Variants in PDE2A observed in about 807,000 individuals in gnomAD.
The protein encoded by PDE2A is cGMP-dependent 3',5'-cyclic phosphodiesterase.
PDE2A carries 53 observed loss-of-function variants against 133.6 expected under a neutral mutation model. The ratio of observed to expected loss-of-function variants is 0.40; its 90% CI spans 0.32 to 0.50. The LOEUF (loss-of-function observed/expected upper bound fraction) is 0.50, where lower values mean the gene tolerates loss of function less well. PDE2A is among the 20% of genes least tolerant of loss of function. PDE2A has a pLI of 0.73. For synonymous variants in PDE2A, 491 were observed against 490.2 expected, an observed-to-expected ratio of 1.00 and a Z score of -0.02; for missense variants, 796 against 1,232.4, an observed-to-expected ratio of 0.65 and a Z score of 5.30.
chr11:72,649,593 A>C (rs1854668383), intron 1 of PDE2A, among the ~76,000 whole-genome samples: 1 of 152,144 alleles, frequency 6.6e-6, no homozygotes, highest in Admixed American at 6.5e-5. Flanking sequence ...ATCACACAAA[A>C]CATGATTGTC....
intron 19 of PDE2A, 32 bp downstream of exon 19, chr11:72,584,169 A>ACCCCCCCCCCCACCCCCCCC: frequency 2.3e-6 from 2 of 877,942 alleles, no homozygotes; most frequent in Non-Finnish European, 3.5e-6. Context: ...GCCCCCTATC[A>ACCCCCCCCCCCACCCCCCCC]CCCCACACCC....
At chr11:72,668,534 C>A (rs757969841) in intron 1 of PDE2A, 3 of 695,934 alleles carry the variant, frequency 4.3e-6, no homozygotes, top group East Asian at 2.7e-5. Flanking sequence ...GGGAAGAGGT[C>A]GATGCTGCTT....
intron 2 of PDE2A, among the ~76,000 whole-genome samples, chr11:72,639,069 C>A (rs758422830): frequency 1.2e-4 from 19 of 152,228 alleles, no homozygotes; most frequent in Non-Finnish European, 2.6e-4. Flanking sequence ...CTTCTCTAAG[C>A]CTTCCAATCT....
At chr11:72,665,187 C>A (rs565556440) in intron 1 of PDE2A, among the ~76,000 whole-genome samples, 5 of 152,178 alleles carry the variant, frequency 3.3e-5, no homozygotes, top group African/African-American at 9.6e-5. Context: ...CCTTTTCTAC[C>A]CCAATTCCTG....
At chr11:72,645,803 G>A (rs1184959893) in intron 1 of PDE2A, among the ~76,000 whole-genome samples, 1 of 152,326 alleles carries the variant, frequency 6.6e-6, no homozygotes. Flanking sequence ...AGCACATACT[G>A]TGTGCCTCAC....
intron 1 of PDE2A, among the ~76,000 whole-genome samples, chr11:72,659,986 G>A (rs1200072984): frequency 6.6e-6 from 1 of 152,168 alleles, no homozygotes; most frequent in Non-Finnish European, 1.5e-5. Context: ...GCAACTTCCA[G>A]CATGTTGGAG....
chr11:72,639,571 C>T (rs886321443), intron 2 of PDE2A, among the ~76,000 whole-genome samples: 1 of 152,158 alleles, frequency 6.6e-6, no homozygotes, highest in African/African-American at 2.4e-5. Flanking sequence ...CTGCGGAGCA[C>T]GAAGTGGTGT....
chr11:72,595,514 C>A (rs552836338), intron 6 of PDE2A, among the ~76,000 whole-genome samples: 3 of 152,064 alleles, frequency 2.0e-5, no homozygotes, highest in African/African-American at 7.2e-5. Context: ...AGTACCCCTC[C>A]TCCCCTCCCC....
rs71062783 is a variant in PDE2A at position 72,644,724 on chromosome 11, A to ATTTATTTTAT, written c.72-2408_72-2399dup. Among the ~76,000 whole-genome samples, 1,113 of 148,714 alleles carry ATTTATTTTAT rather than the reference A, an allele frequency of 7.5e-3. 7 individuals are homozygous for ATTTATTTTAT. The highest frequency in any genetic ancestry group is 0.017 in the South Asian group (79 of 4,682). On this transcript the variant is annotated intron_variant, in intron 1 of 30. Coordinates refer to ENST00000334456, the MANE Select transcript of PDE2A (RefSeq NM_002599.5). ...CACTCACCTCTTGAGAAGTTATTTTATTTATTTTATTTTATTTTATTTTAT... is the reference window on the plus strand; with the variant it reads ...CACTCACCTCTTGAGAAGTTATTTTATTTATTTTATTTTATTTTATTTTATTTTATTTTAT...
At chr11:72,644,256 GTGATC>G (rs1859066250) in intron 1 of PDE2A, among the ~76,000 whole-genome samples, 1 of 152,230 alleles carries the variant, frequency 6.6e-6, no homozygotes, top group African/African-American at 2.4e-5. Context: ...TGTAGAGTAA[GTGATC>G]TGGGCCAAGT....
chr11:72,653,958 C>T (rs149230282), intron 1 of PDE2A, among the ~76,000 whole-genome samples: 7 of 152,336 alleles, frequency 4.6e-5, no homozygotes, highest in Non-Finnish European at 8.8e-5. Flanking sequence ...AAATCCCAGT[C>T]CAGAGATCCT....
chr11:72,605,534 G>C (rs1477892222), intron 3 of PDE2A, among the ~76,000 whole-genome samples: 1 of 152,204 alleles, frequency 6.6e-6, no homozygotes, highest in Admixed American at 6.5e-5. Context: ...GACTGAGGGT[G>C]CAGACAAATC....
intron 22 of PDE2A, 122 bp downstream of exon 22, chr11:72,581,755 C>G: frequency 1.0e-6 from 1 of 954,644 alleles, no homozygotes; most frequent in East Asian, 2.5e-5. Flanking sequence ...CTCCCCACCC[C>G]CATAAGACTG....
chr11:72,637,384 C>A (rs114913954), intron 2 of PDE2A, among the ~76,000 whole-genome samples: 106 of 152,372 alleles, frequency 7.0e-4, no homozygotes, highest in African/African-American at 2.5e-3. Flanking sequence ...GATTTTAAGG[C>A]CTGCATCCTG....
At chr11:72,646,489 A>G (rs915198798) in intron 1 of PDE2A, among the ~76,000 whole-genome samples, 2 of 152,330 alleles carry the variant, frequency 1.3e-5, no homozygotes, top group African/African-American at 2.4e-5. Context: ...ACCCTGGCCT[A>G]TAGACTCCAA....
At chr11:72,630,585 G>C (rs1348947893) in intron 2 of PDE2A, among the ~76,000 whole-genome samples, 1 of 150,478 alleles carries the variant, frequency 6.6e-6, no homozygotes, top group Non-Finnish European at 1.5e-5. Context: ...GGGCATGGGG[G>C]TGGGGAGCAT....
At chr11:72,599,098 C>T (rs1402808550) in intron 4 of PDE2A, 1 of 920,838 alleles carries the variant, frequency 1.1e-6, no homozygotes, top group Non-Finnish European at 1.3e-6. Context: ...TAACCGGAGG[C>T]CACAAGGTGG....
At chr11:72,579,768 G>A in intron 25 of PDE2A, 160 bp from the exon 26 acceptor site, 1 of 605,538 alleles carries the variant, frequency 1.7e-6, no homozygotes, top group Non-Finnish European at 2.9e-6. Context: ...TCTGAGCTCT[G>A]TTTCAACCCT....
chr11:72,608,529 C>T (rs1156652496), intron 3 of PDE2A, 133 bp downstream of exon 3: 1 of 601,760 alleles, frequency 1.7e-6, no homozygotes, highest in Non-Finnish European at 3.1e-6. Flanking sequence ...AGACCCTTCA[C>T]TTCCCCATGA....
Sources: allele counts gnomAD v4.1 joint callset (sites outside exome capture counted in the v4.1 genomes callset), GRCh38; gene constraint gnomAD v4.1.1; transcripts MANE v1.5; gene names NCBI Gene and HGNC (gene_info 2026-07-23, HGNC 2026-07-21).